MAP3K10: variants seen among roughly 807,000 people sequenced by gnomAD.
MAP3K10 encodes MKN28 derived nonreceptor_type serine/threonine kinase.
MAP3K10 carries 22 observed loss-of-function variants against 75.0 expected under a neutral mutation model. The ratio of observed to expected loss-of-function variants is 0.29; its 90% CI spans 0.21 to 0.42. The LOEUF is 0.42. MAP3K10 is among the 10% of genes least tolerant of loss of function. The pLI, the probability that MAP3K10 is intolerant of heterozygous loss-of-function variation, is 1.00. For synonymous variants in MAP3K10, 599 were observed against 612.9 expected, an observed-to-expected ratio of 0.98 and a Z score of 0.34; for missense variants, 1,165 against 1,379.8, an observed-to-expected ratio of 0.84 and a Z score of 2.47.
chr19:40,214,372 C>T (rs1973310219), intron 9 of MAP3K10, 151 bp downstream of exon 9: 1 of 996,420 alleles, frequency 1.0e-6, no homozygotes, highest in Admixed American at 3.8e-5. Context: ...CCGCTCACTC[C>T]TGGAGGCATC....
At position 40,214,200 on chromosome 19, in the gene MAP3K10, G is replaced by C; in HGVS notation, c.2521G>C (p.Glu841Gln). 1.4e-6 allele frequency: 2 copies of C among 1,432,062 alleles called. No individual in the cohort carries two copies. Among genetic ancestry groups the C allele is most frequent in the Non-Finnish European group, 1.8e-6 (2 of 1,103,940 alleles). 88.7% of individuals were successfully genotyped at this position (1,432,062 alleles called of 1,614,324 possible). A position where few individuals can be genotyped will look rare whatever the true frequency, so the allele number is the denominator to read the frequency against. The change falls in exon 9 of 10, where the codon GAG becomes CAG. Residue 841 changes from glutamate to glutamine, a missense_variant. Around this residue, in one of 2 missense-constraint regions of MAP3K10, gnomAD observed 590 missense variants for 586.6 expected, o/e 1.01. Coordinates refer to ENST00000253055, the MANE Select transcript of MAP3K10 (RefSeq NM_002446.4). ...GGCGCTGGGGCAGCGGGGGCCGCCC[G>C]AGCCCGCGGGCCATGGCCCTGGTGA... ...DGALGQRGPP[E>Q]PAGHGPGPRD...
In MAP3K10 at chr19:40,213,747, G is replaced by A. The variant is rs1398390317; in HGVS notation, c.2068G>A (p.Asp690Asn). The A allele has an allele frequency of 3.7e-6, 4 of 1,091,582 alleles. No individual in the cohort carries two copies. Among genetic ancestry groups the A allele is most frequent in the South Asian group, 6.9e-5 (2 of 29,180 alleles). The allele number at this position is 1,091,582 out of a possible 1,614,324, so 67.6% of individuals were successfully genotyped here. The change falls in exon 9 of 10, where the codon GAC (aspartate) becomes AAC (asparagine). Residue 690 changes from aspartate (D) to asparagine (N), a missense_variant. Coordinates refer to ENST00000253055, the MANE Select transcript of MAP3K10 (RefSeq NM_002446.4). The surrounding 1 kb of genome is among the most constrained non-coding windows in gnomAD (Gnocchi z 5.7). ...GCTGGGGGCTGTGGGCCTGGGCGCC[G>A]ACGTGGCCGAGGCGCGCGCGGCCGA... ...TLLGAVGLGA[D>N]VAEARAADGE... is the part of the protein sequence containing the mutation.
At position 40,214,013 on chromosome 19, in the gene MAP3K10, C is replaced by CCCCCCCCCCCCCCCCCCA; in HGVS notation, c.2334_2335insCCCCCCCCCCCCCCCCCA (p.Pro778_Ser779insProProProProProPro). 1.3e-6 allele frequency: 2 copies of CCCCCCCCCCCCCCCCCCA among 1,504,336 alleles called. No homozygotes were observed. The highest frequency in any genetic ancestry group is 1.8e-6 in the Non-Finnish European group (2 of 1,129,400). The allele number at this position is 1,504,336 out of a possible 1,614,324, so 93.2% of individuals were successfully genotyped here. A position where few individuals can be genotyped will look rare whatever the true frequency, so the allele number is the denominator to read the frequency against. On this transcript the variant is annotated inframe_insertion, in exon 9 of 10. Coordinates refer to ENST00000253055, the MANE Select transcript of MAP3K10 (RefSeq NM_002446.4). ...CACCGGCCGCGCCCTCCCCACCACC[C>CCCCCCCCCCCCCCCCCCA]TCCCCGCCCGCGCCCACACCCACGC...
chr19:40,213,617 G>C lies in MAP3K10; in HGVS notation c.1938G>C (p.Pro646=), dbSNP rs372801404. ...TGCCACTGCCTGCCGAGCCCTCCCC[G>C]GGGGCGCGGGCGCCGTGGGAGCCGA... ...LSVPLPAEPS[P]GARAPWEPTP... The change falls in exon 9 of 10, where the codon CCG becomes CCC. Residue 646 remains proline, a synonymous_variant. Transcript: ENST00000253055. This position sits in a 1 kb window ranked among gnomAD's most constrained non-coding sequence, Gnocchi z 5.7. The C allele has an allele frequency of 4.5e-6, 7 of 1,555,600 alleles. No individual in the cohort carries two copies. The highest frequency in any genetic ancestry group is 2.6e-5 in the East Asian group (1 of 39,192).
Position 40,213,308 on chromosome 19 carries a change from G to A in MAP3K10, c.1837+120G>A. ...AGTGAGTGGAAGGCCTTCCTGGGAA[G>A]GGAGATGGTGGCCCCTGGGGCGTGG... is the stretch of plus-strand genomic sequence containing the variant. On this transcript the variant is annotated intron_variant, in intron 8 of 9. Transcript: ENST00000253055. This position sits in a 1 kb window ranked among gnomAD's most constrained non-coding sequence, Gnocchi z 5.7. 6.9e-7 allele frequency: 1 copy of A among 1,450,842 alleles called. No individual in the cohort carries two copies. The highest frequency in any genetic ancestry group is 9.0e-7 in the Non-Finnish European group (1 of 1,105,860). The allele number at this position is 1,450,842 out of a possible 1,614,324, so 89.9% of individuals were successfully genotyped here.
chr19:40,205,652 T>C lies in MAP3K10; in HGVS notation c.1189-259T>C, dbSNP rs1393503324. The C allele has an allele frequency of 1.9e-6, 1 of 515,660 alleles. No homozygotes were observed. Among genetic ancestry groups the C allele is most frequent in the Non-Finnish European group, 3.4e-6 (1 of 294,640 alleles). The allele number at this position is 515,660 out of a possible 1,614,324, so 31.9% of individuals were successfully genotyped here. On this transcript the variant is annotated intron_variant, in intron 4 of 9. Coordinates refer to ENST00000253055, the MANE Select transcript of MAP3K10 (RefSeq NM_002446.4). This position sits in a 1 kb window ranked among gnomAD's most constrained non-coding sequence, Gnocchi z 4.3. ...CAGGGGGGTGCACTGTTCTCTGCTT[T>C]TGTGGATGTTTGAAGTTTTCTAAAT... is the stretch of plus-strand genomic sequence containing the variant.
At position 40,205,693 on chromosome 19, in the gene MAP3K10, G is replaced by C; in HGVS notation, c.1189-218G>C. On this transcript the variant is annotated intron_variant, in intron 4 of 9. Transcript: ENST00000253055. This position sits in a 1 kb window ranked among gnomAD's most constrained non-coding sequence, Gnocchi z 4.3. Reference sequence around the variant, plus strand: ...TTTTCTAAATTGAAGAGTTAAGAAAGAAAAAGAAAGAAAAAGCACCCCTTT... The same window carrying C: ...TTTTCTAAATTGAAGAGTTAAGAAACAAAAAGAAAGAAAAAGCACCCCTTT... 1 of 538,972 alleles carries C rather than the reference G, an allele frequency of 1.9e-6. No homozygotes were observed. Among genetic ancestry groups the C allele is most frequent in the Non-Finnish European group, 3.2e-6 (1 of 310,928 alleles). 33.4% of individuals were successfully genotyped at this position (538,972 alleles called of 1,614,324 possible). A position where few individuals can be genotyped will look rare whatever the true frequency, so the allele number is the denominator to read the frequency against.
In MAP3K10 at chr19:40,214,058, C is replaced by A. The variant is rs890935904; in HGVS notation, c.2379C>A (p.Pro793=). 1 of 1,548,620 alleles carries A rather than the reference C, an allele frequency of 6.5e-7. No individual in the cohort carries two copies. The highest frequency in any genetic ancestry group is 8.7e-7 in the Non-Finnish European group (1 of 1,155,072). The change falls in exon 9 of 10, where the codon CCC becomes CCA. Residue 793 remains proline, a synonymous_variant. Transcript: ENST00000253055. ...CCACGCCCTCGCCCAGCACCAACCC[C>A]CTGGTGGACCTGGAGCTGGAGAGCT... ...PTPTPSPSTN[P]LVDLELESFK...
intron 1 of MAP3K10, among the ~76,000 whole-genome samples, chr19:40,195,780 C>T (rs1972894711): frequency 6.6e-6 from 1 of 152,138 alleles, no homozygotes; most frequent in Admixed American, 6.5e-5. Context: ...CAGGCATGAG[C>T]CACCGCGTCC....
chr19:40,208,630 G>A (rs1048127450), intron 5 of MAP3K10, among the ~76,000 whole-genome samples: 17 of 151,092 alleles, frequency 1.1e-4, no homozygotes, highest in Non-Finnish European at 2.2e-4. Context: ...TCGAGGCCAA[G>A]AGTTCAAGAC....
Position 40,205,141 on chromosome 19 carries a change from C to T in MAP3K10, c.1033C>T (p.His345Tyr), listed in dbSNP as rs1347729411. 1.9e-6 allele frequency: 3 copies of T among 1,613,296 alleles called. No homozygotes were observed. Among genetic ancestry groups the T allele is most frequent in the Admixed American group, 3.3e-5 (2 of 59,996 alleles). ...LLEECWDPDP[H>Y]GRPDFGSILK... ...CCCAGAATGCTGGGACCCAGACCCC[C>T]ACGGGCGGCCAGATTTCGGTAGCAT... is the stretch of plus-strand genomic sequence containing the variant. The change falls in exon 4 of 10, where the codon CAC (histidine) becomes TAC (tyrosine). Residue 345 changes from histidine to tyrosine, a missense_variant. By Grantham distance (83) the His-to-Tyr change is moderately conservative. Around this residue, in one of 2 missense-constraint regions of MAP3K10, gnomAD observed 575 missense variants for 793.2 expected, o/e 0.72. Transcript: ENST00000253055. The surrounding 1 kb of genome is among the most constrained non-coding windows in gnomAD (Gnocchi z 4.3).
Position 40,212,851 on chromosome 19 carries a change from A to G in MAP3K10, c.1599A>G (p.Gly533=). The G allele has an allele frequency of 2.5e-6, 4 of 1,607,244 alleles. No homozygotes were observed. In the East Asian group the frequency reaches 6.7e-5, roughly 27 times the overall value. ...GCAGCAGCAGTGGCAGCAGCAGTGG[A>G]GGAAGTGGGACATGGAGCCGCGGTG... ...CGGSSSGSSS[G]GSGTWSRGGP... is the part of the protein sequence containing the mutation. The change falls in exon 7 of 10, where the codon GGA becomes GGG. Residue 533 remains glycine, a synonymous_variant. Transcript: ENST00000253055. The surrounding 1 kb of genome is among the most constrained non-coding windows in gnomAD (Gnocchi z 4.2).
Position 40,205,906 on chromosome 19 carries a change from C to T in MAP3K10, c.1189-5C>T. 1 of 1,544,328 alleles carries T rather than the reference C, an allele frequency of 6.5e-7. No homozygotes were observed. Among genetic ancestry groups the T allele is most frequent in the Non-Finnish European group, 8.8e-7 (1 of 1,141,540 alleles). ...CTCCCCCCAGCCACCGCCTCTCCTT[C>T]CCAGGAGCTTCGGAGCCGTGAGGAG... On this transcript the variant is annotated splice_polypyrimidine_tract_variant and splice_region_variant and intron_variant, in intron 4 of 9. Coordinates refer to ENST00000253055, the MANE Select transcript of MAP3K10 (RefSeq NM_002446.4). The surrounding 1 kb of genome is among the most constrained non-coding windows in gnomAD (Gnocchi z 4.3).
In MAP3K10 at chr19:40,192,910, A is replaced by AGG. The variant is rs1225621514; in HGVS notation, c.682+198_682+199dup. ...GAAAAAGGAGGCTCAGAAAGGTTGA[A>AGG]GGACTTACCTGCCTCCCAGGCTGCA... On this transcript the variant is annotated intron_variant, in intron 1 of 9. Coordinates refer to ENST00000253055, the MANE Select transcript of MAP3K10 (RefSeq NM_002446.4). This position sits in a 1 kb window ranked among gnomAD's most constrained non-coding sequence, Gnocchi z 7.1. Among the ~76,000 whole-genome samples the AGG allele has an allele frequency of 6.6e-6, 1 of 152,214 alleles. No individual in the cohort carries two copies. The highest frequency in any genetic ancestry group is 2.4e-5 in the African/African-American group (1 of 41,456).
Position 40,192,127 on chromosome 19 carries a change from C to T in MAP3K10, c.96C>T (p.Asp32=). 6.3e-7 allele frequency: 1 copy of T among 1,579,940 alleles called. No homozygotes were observed. Among genetic ancestry groups the T allele is most frequent in the South Asian group, 1.2e-5 (1 of 85,910 alleles). ...TAVFDYEAAG[D]EELTLRRGDR... is the part of the protein sequence containing the mutation. ...TGTTCGACTACGAGGCGGCGGGCGA[C>T]GAGGAGCTGACCCTGCGGAGGGGCG... Residue 32 remains aspartate (D), a synonymous_variant, in exon 1 of 10, where the codon GAC becomes GAT. Coordinates refer to ENST00000253055, the MANE Select transcript of MAP3K10 (RefSeq NM_002446.4). This position sits in a 1 kb window ranked among gnomAD's most constrained non-coding sequence, Gnocchi z 7.1.
chr19:40,205,829 A>C lies in MAP3K10; in HGVS notation c.1189-82A>C. 1 of 1,402,866 alleles carries C rather than the reference A, an allele frequency of 7.1e-7. No individual in the cohort carries two copies. Among genetic ancestry groups the C allele is most frequent in the Non-Finnish European group, 9.4e-7 (1 of 1,065,828 alleles). The allele number at this position is 1,402,866 out of a possible 1,614,324, so 86.9% of individuals were successfully genotyped here. A position where few individuals can be genotyped will look rare whatever the true frequency, so the allele number is the denominator to read the frequency against. On this transcript the variant is annotated intron_variant, in intron 4 of 9. Transcript: ENST00000253055. The surrounding 1 kb of genome is among the most constrained non-coding windows in gnomAD (Gnocchi z 4.3). The stretch of plus-strand genomic sequence containing the variant: ...CAAGGTACCCTTGTGTGAGGCACCA[A>C]CCAGACGCAGCAGCCCTGGGTCCCT...
intron 5 of MAP3K10, among the ~76,000 whole-genome samples, chr19:40,208,363 T>TTTTTTTTTTTTTTTTTTTTTTTTTTTA (rs1555756664): frequency 8.9e-6 from 1 of 111,892 alleles, no homozygotes; most frequent in African/African-American, 3.6e-5. Flanking sequence ...TTTTTTTTTT[T>TTTTTTTTTTTTTTTTTTTTTTTTTTTA]TTTTTTGTAT....
In MAP3K10 at chr19:40,213,055, A is replaced by G. The variant is rs767406716; in HGVS notation, c.1725-21A>G. 2 of 1,602,906 alleles carry G rather than the reference A, an allele frequency of 1.2e-6. No homozygotes were observed. Among genetic ancestry groups the G allele is most frequent in the Non-Finnish European group, 1.7e-6 (2 of 1,174,344 alleles). The stretch of plus-strand genomic sequence containing the variant: ...TCCAGGCCACAGGACTGAGGTCTCC[A>G]TCTCTCCCTGGACCCCGCAGGCTGA... On this transcript the variant is annotated intron_variant, in intron 7 of 9. Coordinates refer to ENST00000253055, the MANE Select transcript of MAP3K10 (RefSeq NM_002446.4). This position sits in a 1 kb window ranked among gnomAD's most constrained non-coding sequence, Gnocchi z 5.7.
At chr19:40,208,353 T>TTTTTA (rs1555756638) in intron 5 of MAP3K10, among the ~76,000 whole-genome samples, 1 of 99,270 alleles carries the variant, frequency 1.0e-5, no homozygotes, top group East Asian at 3.3e-4. Context: ...TTCTTTTTTT[T>TTTTTA]TTTTTTTTTT....
Sources: allele counts gnomAD v4.1 joint callset (sites outside exome capture counted in the v4.1 genomes callset), GRCh38; gene constraint gnomAD v4.1.1; regional missense constraint gnomAD v4.1.1; non-coding constraint Gnocchi (gnomAD v3.1); transcripts MANE v1.5; gene names NCBI Gene and HGNC (gene_info 2026-07-23, HGNC 2026-07-21).